Variants in COLEC10 observed in about 807,000 individuals in gnomAD.
The protein encoded by COLEC10 is collectin subfamily member 10.
Under a neutral mutation model 28.4 loss-of-function variants are expected in COLEC10, and 22 were observed. The observed-to-expected ratio is 0.78, with a 90% CI of 0.55 to 1.11. The LOEUF is 1.11. COLEC10 is among the 50% of genes least tolerant of loss of function. COLEC10 has a pLI of 0.00. For synonymous variants in COLEC10, 125 were observed against 116.1 expected, an observed-to-expected ratio of 1.08 and a Z score of -0.49; for missense variants, 361 against 344.1, an observed-to-expected ratio of 1.05 and a Z score of -0.39.
At chr8:119,009,221 CT>C (rs1813861331) in intron 1 of COLEC10, among the ~76,000 whole-genome samples, 1 of 150,932 alleles carries the variant, frequency 6.6e-6, no homozygotes, top group Non-Finnish European at 1.5e-5. Flanking sequence ...TAGAATAGAG[CT>C]TTGCTATGGT....
Position 119,029,499 on chromosome 8 carries a change from GAC to G in COLEC10, n.235+19960_235+19961del, listed in dbSNP as rs60749575. ...AATAAGGACTATGTGATTATATACA[GAC>G]ACACACACACACAAAACAATAAGTG... On this transcript the variant is annotated intron_variant and non_coding_transcript_variant, in intron 2 of 6. Transcript: ENST00000521788. Among the ~76,000 whole-genome samples the G allele has an allele frequency of 4.0e-5, 6 of 151,790 alleles. No individual in the cohort carries two copies. The East Asian group carries it at 7.7e-4, about 20-fold the overall frequency.
intron 3 of COLEC10, among the ~76,000 whole-genome samples, chr8:119,094,058 T>C (rs150383988): frequency 0.011 from 1,664 of 152,288 alleles, 16 homozygotes; most frequent in Non-Finnish European, 0.018. Context: ...TTGCTAGCAA[T>C]TCCAATGCAG....
chr8:119,100,958 C>A (rs1350416556), intron 3 of COLEC10, among the ~76,000 whole-genome samples: 1 of 152,172 alleles, frequency 6.6e-6, no homozygotes, highest in African/African-American at 2.4e-5. Context: ...GGGGCCCCAG[C>A]AGGCATGCCT....
At chr8:119,069,637 T>A (rs1379072097) in intron 1 of COLEC10, among the ~76,000 whole-genome samples, 1,267 of 43,470 alleles carry the variant, frequency 0.029, 5 homozygotes, top group East Asian at 0.055. Flanking sequence ...AAAATATATA[T>A]ATATATATAT....
At chr8:119,103,698 C>A in intron 4 of COLEC10, 102 bp from the exon 5 acceptor site, 8 of 708,300 alleles carry the variant, frequency 1.1e-5, no homozygotes, top group South Asian at 1.7e-5. Flanking sequence ...TATATAGAAC[C>A]AGACTAGAAA....
intron 1 of COLEC10, among the ~76,000 whole-genome samples, chr8:119,088,644 T>A (rs1815529787): frequency 6.6e-6 from 1 of 152,226 alleles, no homozygotes; most frequent in Non-Finnish European, 1.5e-5. Context: ...GCCCTGAGAT[T>A]GCTGTGGTGA....
chr8:118,990,723 A>G (rs932856309), upstream of COLEC10, among the ~76,000 whole-genome samples: 1 of 152,152 alleles, frequency 6.6e-6, no homozygotes, highest in Admixed American at 6.6e-5. Context: ...GTGCCATATG[A>G]AACCATGAAA....
chr8:118,954,988 T>A, the COLEC10 span, among the ~76,000 whole-genome samples: 1 of 152,318 alleles, frequency 6.6e-6, no homozygotes, highest in East Asian at 1.9e-4. Context: ...CTAAAACATC[T>A]TGTGCCTACA....
rs1192083447 is a variant in COLEC10, at chr8:119,100,242, C to T, written c.293-2106C>T. Among the ~76,000 whole-genome samples, 4 of 152,030 alleles carry T rather than the reference C, an allele frequency of 2.6e-5. No individual in the cohort carries two copies. In the East Asian group the frequency reaches 5.8e-4, roughly 22 times the overall value. The stretch of plus-strand genomic sequence containing the variant: ...TGGTTGGGCTGGAATATCAGCACTG[C>T]CATTTAATGGCTAGATGTCCTCGAG... On this transcript the variant is annotated intron_variant, in intron 3 of 5. Coordinates refer to ENST00000332843, the MANE Select transcript of COLEC10 (RefSeq NM_006438.5).
chr8:118,988,741 T>G, the COLEC10 span, among the ~76,000 whole-genome samples: 1 of 152,190 alleles, frequency 6.6e-6, no homozygotes, highest in African/African-American at 2.4e-5. Context: ...CTCTGAGGAC[T>G]GCATAAAAAA....
intron 3 of COLEC10, among the ~76,000 whole-genome samples, chr8:119,091,593 GAGAGAAAGAAAGAA>G (rs753788138): frequency 4.4e-4 from 38 of 86,102 alleles, no homozygotes; most frequent in African/African-American, 1.5e-3. Context: ...GAGAGAGAGA[GAGAGAAAGAAAGAA>G]AGAAAGAAAG....
the COLEC10 span, among the ~76,000 whole-genome samples, chr8:118,961,909 A>G: frequency 6.6e-6 from 1 of 152,320 alleles, no homozygotes; most frequent in East Asian, 1.9e-4. Context: ...TCACTTTCAA[A>G]GAAGTATTTT....
chr8:118,958,511 G>A, the COLEC10 span, among the ~76,000 whole-genome samples: 2 of 152,148 alleles, frequency 1.3e-5, no homozygotes, highest in Admixed American at 6.5e-5. Context: ...TGTATGGCAG[G>A]AATGCCTCCT....
chr8:118,954,114 C>T, the COLEC10 span, among the ~76,000 whole-genome samples: 1 of 152,186 alleles, frequency 6.6e-6, no homozygotes, highest in Non-Finnish European at 1.5e-5. Flanking sequence ...ATGGTATTCG[C>T]TGAAGCTTTT....
chr8:119,067,415 C>T lies in COLEC10; in HGVS notation c.134C>T (p.Ser45Leu). Residue 45 changes from serine (S) to leucine (L), a missense_variant, in exon 1 of 6, where the codon TCA becomes TTA. Ser to Leu is a moderately radical substitution (Grantham distance 145). Around this residue, in one of 3 missense-constraint regions of COLEC10, gnomAD observed 335 missense variants for 308.5 expected, o/e 1.09. Transcript: ENST00000332843. ...TAEVCATHTI[S>L]PGPKGDDGEK... is the part of the protein sequence containing the mutation. ...GAAGTCTGTGCCACACACACAATTT[C>T]ACCAGGACCCAAAGGTGAGGAAAGA... is the stretch of plus-strand genomic sequence containing the variant. 1 of 1,613,854 alleles carries T rather than the reference C, an allele frequency of 6.2e-7. No individual in the cohort carries two copies. The highest frequency in any genetic ancestry group is 8.5e-7 in the Non-Finnish European group (1 of 1,179,872).
chr8:119,028,455 G>A (rs915009378), intron 2 of COLEC10, among the ~76,000 whole-genome samples: 3 of 152,098 alleles, frequency 2.0e-5, no homozygotes, highest in African/African-American at 7.2e-5. Context: ...CATGGTGGGA[G>A]GTGAAAGGTA....
At chr8:118,996,434 C>G (rs556322586) in intron 1 of COLEC10, among the ~76,000 whole-genome samples, 107 of 152,248 alleles carry the variant, frequency 7.0e-4, no homozygotes, top group African/African-American at 2.6e-3. Context: ...GAGGAACGCT[C>G]GTTCTGCTTT....
chr8:119,107,637 G>A lies in COLEC10; in HGVS notation c.*1446G>A, dbSNP rs998180742. 6.6e-6 allele frequency among the ~76,000 whole-genome samples: 1 copy of A among 152,102 alleles called. No individual in the cohort carries two copies. The highest frequency in any genetic ancestry group is 1.5e-5 in the Non-Finnish European group (1 of 68,014). ...GGTTATTTCTGTGGGTTCAACAAGG[G>A]CCATAAACTCAGATCCTACAGGGGC... On this transcript the variant is annotated 3_prime_UTR_variant, in exon 6 of 6. Transcript: ENST00000332843.
At chr8:119,029,563 T>C (rs1460632599) in intron 2 of COLEC10, among the ~76,000 whole-genome samples, 2 of 152,052 alleles carry the variant, frequency 1.3e-5, no homozygotes, top group African/African-American at 4.8e-5. Flanking sequence ...TCCATCACAC[T>C]CACGTTTAGA....
Sources: allele counts gnomAD v4.1 joint callset (sites outside exome capture counted in the v4.1 genomes callset), GRCh38; gene constraint gnomAD v4.1.1; regional missense constraint gnomAD v4.1.1; transcripts MANE v1.5; gene names NCBI Gene and HGNC (gene_info 2026-07-23, HGNC 2026-07-21).